Variants in NRXN3 observed in about 807,000 individuals in gnomAD.
The protein encoded by NRXN3 is neurexin 3.
A neutral mutation model predicts 137.6 loss-of-function variants in NRXN3; 32 were observed. The observed-to-expected ratio is 0.23, with a 90% CI of 0.18 to 0.31. The LOEUF (loss-of-function observed/expected upper bound fraction) is 0.31, where lower values mean the gene tolerates loss of function less well. Among genes scored for constraint, NRXN3 ranks in the 10% least tolerant of loss-of-function variants. NRXN3 has a pLI of 1.00. For synonymous variants in NRXN3, 798 were observed against 784.5 expected (o/e 1.02, Z -0.29); for missense variants, 1,574 against 2,062.5 (o/e 0.76, Z 4.59).
intron 4 of NRXN3, among the ~76,000 whole-genome samples, chr14:78,340,289 C>T (rs1025739696): frequency 5.9e-5 from 9 of 152,160 alleles, no homozygotes; most frequent in Admixed American, 2.6e-4. Context: ...AGGCCATCTC[C>T]GAAGATGTAT....
chr14:79,723,051 A>G (rs2098851393), intron 19 of NRXN3, among the ~76,000 whole-genome samples: 1 of 152,128 alleles, frequency 6.6e-6, no homozygotes, highest in Non-Finnish European at 1.5e-5. Context: ...ACTCCATTCT[A>G]TCATATTGGG....
At chr14:78,813,684 T>C (rs1186265723) in intron 10 of NRXN3, among the ~76,000 whole-genome samples, 1 of 129,668 alleles carries the variant, frequency 7.7e-6, no homozygotes, top group East Asian at 2.4e-4. Flanking sequence ...TCATCTGCTA[T>C]AAAATGTTGT....
chr14:79,455,214 G>T (rs995925018), intron 15 of NRXN3, among the ~76,000 whole-genome samples: 2 of 152,094 alleles, frequency 1.3e-5, no homozygotes, highest in Admixed American at 1.3e-4. Context: ...TCTCTTCATA[G>T]GCAACATCTT....
chr14:79,096,598 T>A (rs2050381185), intron 15 of NRXN3, among the ~76,000 whole-genome samples: 1 of 40,692 alleles, frequency 2.5e-5, no homozygotes, highest in Non-Finnish European at 5.6e-5. Flanking sequence ...ATTGAGATAA[T>A]GTGTAAAAAT....
intron 11 of NRXN3, among the ~76,000 whole-genome samples, chr14:78,963,229 T>G (rs1222801140): frequency 1.3e-5 from 2 of 152,266 alleles, no homozygotes; most frequent in East Asian, 3.9e-4. Context: ...CCCTCAATCC[T>G]GGAGATCAAT....
chr14:78,363,974 A>G (rs6574437), intron 4 of NRXN3, among the ~76,000 whole-genome samples: 150,666 of 152,346 alleles, frequency 0.99, 74,519 homozygotes, highest in East Asian at 1. Context: ...CTCCCACAAC[A>G]CTTTATTCTT....
chr14:79,340,656 G>A (rs763207966), intron 15 of NRXN3, among the ~76,000 whole-genome samples: 2 of 152,112 alleles, frequency 1.3e-5, no homozygotes, highest in Non-Finnish European at 2.9e-5. Flanking sequence ...GCAGAGACAG[G>A]TTTCTCCATG....
chr14:78,420,614 C>T (rs1242454054), intron 4 of NRXN3, among the ~76,000 whole-genome samples: 2 of 152,136 alleles, frequency 1.3e-5, no homozygotes, highest in Non-Finnish European at 2.9e-5. Context: ...AAAAGAAGAG[C>T]TATGAAATAT....
chr14:79,528,334 A>C (rs553359050), intron 16 of NRXN3, among the ~76,000 whole-genome samples: 6 of 152,322 alleles, frequency 3.9e-5, no homozygotes, highest in African/African-American at 1.4e-4. Context: ...AGATAAGATT[A>C]AACTTTTTGA....
chr14:78,454,977 C>T (rs1335321906), intron 4 of NRXN3, among the ~76,000 whole-genome samples: 2 of 152,176 alleles, frequency 1.3e-5, no homozygotes, highest in Non-Finnish European at 2.9e-5. Flanking sequence ...TAGCCATGAA[C>T]TCTCAAGGCT....
At chr14:78,202,948 A>G (rs2061816541) in intron 1 of NRXN3, among the ~76,000 whole-genome samples, 1 of 152,248 alleles carries the variant, frequency 6.6e-6, no homozygotes, top group Non-Finnish European at 1.5e-5. Flanking sequence ...ACAGCTAGCC[A>G]GCAAGTAGAG....
At chr14:79,314,900 T>G (rs547845881) in intron 15 of NRXN3, among the ~76,000 whole-genome samples, 2 of 151,702 alleles carry the variant, frequency 1.3e-5, no homozygotes, top group Admixed American at 6.6e-5. Context: ...ACATCTACAC[T>G]GAAAACCCAT....
At chr14:79,578,385 G>A (rs901162809) in intron 16 of NRXN3, among the ~76,000 whole-genome samples, 2 of 152,110 alleles carry the variant, frequency 1.3e-5, no homozygotes, top group Admixed American at 6.5e-5. Flanking sequence ...TTGGGTGGGT[G>A]CTTCAGCACA....
At chr14:78,216,447 T>G (rs1286180509) in intron 1 of NRXN3, among the ~76,000 whole-genome samples, 1 of 152,180 alleles carries the variant, frequency 6.6e-6, no homozygotes, top group Non-Finnish European at 1.5e-5. Flanking sequence ...CTGTGAATGC[T>G]GCTGTTTTCC....
At chr14:78,625,427 G>T (rs1201600077) in intron 4 of NRXN3, among the ~76,000 whole-genome samples, 2 of 152,140 alleles carry the variant, frequency 1.3e-5, no homozygotes, top group African/African-American at 2.4e-5. Flanking sequence ...GTTTTGTTTT[G>T]ATTTCTTTTG....
intron 4 of NRXN3, among the ~76,000 whole-genome samples, chr14:78,369,941 A>G (rs1356502139): frequency 6.6e-6 from 1 of 152,124 alleles, no homozygotes; most frequent in Non-Finnish European, 1.5e-5. Flanking sequence ...AAAAAAAAAA[A>G]AAAAAAAAAG....
At chr14:79,807,875 G>A (rs936488368) in intron 20 of NRXN3, among the ~76,000 whole-genome samples, 4 of 152,122 alleles carry the variant, frequency 2.6e-5, no homozygotes, top group Non-Finnish European at 5.9e-5. Context: ...AGGGAAATAC[G>A]TCAGTGGTAT....
intron 4 of NRXN3, among the ~76,000 whole-genome samples, chr14:78,445,202 C>T (rs796293742): frequency 6.6e-5 from 10 of 152,202 alleles, no homozygotes; most frequent in African/African-American, 2.4e-4. Flanking sequence ...GCTGAGGAGC[C>T]ACAGATGAGC....
At chr14:79,527,961 A>T (rs1371676031) in intron 16 of NRXN3, among the ~76,000 whole-genome samples, 1 of 151,820 alleles carries the variant, frequency 6.6e-6, no homozygotes, top group East Asian at 1.9e-4. Context: ...ATTGGCAGCA[A>T]CCCAGGCAAG....
Sources: gnomAD v4.1 joint callset for allele counts (sites outside exome capture counted in the v4.1 genomes callset) on GRCh38, gnomAD v4.1.1 for gene constraint, MANE v1.5 for transcripts, NCBI Gene and HGNC (gene_info 2026-07-23, HGNC 2026-07-21) for gene names.